MAD1L1: variants seen among roughly 807,000 people sequenced by gnomAD.
The protein encoded by MAD1L1 is mitotic arrest deficient 1 like 1.
A neutral mutation model predicts 96.9 loss-of-function variants in MAD1L1; 95 were observed. The ratio of observed to expected loss-of-function variants is 0.98; its 90% confidence interval spans 0.83 to 1.16. The LOEUF is 1.16. Among genes scored for constraint, MAD1L1 ranks in the 50% most tolerant of loss-of-function variants. The probability of loss-of-function intolerance (pLI) is 0.00; values close to 1 mark genes in which losing one functional copy is unlikely to be tolerated. For missense variants in MAD1L1, 1,007 were observed against 954.4 expected (o/e 1.06, Z -0.73); for synonymous variants, 473 against 396.6 (o/e 1.19, Z -2.29).
chr7:1,819,126 T>G (rs1482672029), intron 18 of MAD1L1, among the ~76,000 whole-genome samples: 1 of 152,162 alleles, frequency 6.6e-6, no homozygotes, highest in Non-Finnish European at 1.5e-5. Context: ...TGCTCAGCCC[T>G]CTGCCATGTT....
intron 18 of MAD1L1, among the ~76,000 whole-genome samples, chr7:1,870,593 C>A (rs909767798): frequency 9.2e-6 from 1 of 108,728 alleles, no homozygotes; most frequent in Non-Finnish European, 1.9e-5. Context: ...ACGCTGAACC[C>A]ACCGTAACAC....
chr7:1,981,829 G>C (rs1455667272), intron 14 of MAD1L1, among the ~76,000 whole-genome samples: 1 of 152,212 alleles, frequency 6.6e-6, no homozygotes, highest in African/African-American at 2.4e-5. Context: ...CAACAGGGCA[G>C]GATATGCTAA....
In MAD1L1 at chr7:2,129,202, C is replaced by A. The variant is rs899038774; in HGVS notation, c.1073+19950G>T. Among the ~76,000 whole-genome samples the A allele has an allele frequency of 3.3e-5, 5 of 152,204 alleles. No homozygotes were observed. In the South Asian group the frequency reaches 1.0e-3, roughly 32 times the overall value. On this transcript the variant is annotated intron_variant, in intron 11 of 18. Transcript: ENST00000265854. Reference sequence around the variant, plus strand: ...GGGGAGCTGGGGCCACCAGGGCTAACCCACCGCCAGGCAGCTCACATGTGC... The same window carrying A: ...GGGGAGCTGGGGCCACCAGGGCTAAACCACCGCCAGGCAGCTCACATGTGC...
intron 17 of MAD1L1, among the ~76,000 whole-genome samples, chr7:1,908,041 G>C (rs560979651): frequency 5.3e-5 from 8 of 152,242 alleles, no homozygotes; most frequent in Non-Finnish European, 8.8e-5. Context: ...GCTCTTAGCA[G>C]ACATGGGTGA....
intron 18 of MAD1L1, among the ~76,000 whole-genome samples, chr7:1,827,545 G>GAGCCCGTCCCGGGTGTGGCGT (rs1782474446): frequency 1.3e-5 from 1 of 76,520 alleles, no homozygotes; most frequent in Non-Finnish European, 2.7e-5. Context: ...GGGTGTGGGG[G>GAGCCCGTCCCGGGTGTGGCGT]CCTCCCCTCC....
At chr7:2,060,841 G>T (rs1409179337) in intron 12 of MAD1L1, among the ~76,000 whole-genome samples, 3 of 152,216 alleles carry the variant, frequency 2.0e-5, no homozygotes, top group Non-Finnish European at 4.4e-5. Flanking sequence ...CACAACTTTG[G>T]CAGGCAAAGA....
At chr7:1,887,281 G>C (rs1010812118) in intron 18 of MAD1L1, among the ~76,000 whole-genome samples, 20 of 152,104 alleles carry the variant, frequency 1.3e-4, no homozygotes, top group African/African-American at 4.3e-4. Context: ...ATGCATGTGT[G>C]TATGTGGCTG....
chr7:1,888,244 C>A (rs1320404294), intron 18 of MAD1L1, among the ~76,000 whole-genome samples: 2 of 109,126 alleles, frequency 1.8e-5, no homozygotes, highest in Non-Finnish European at 4.1e-5. Context: ...ATGTGGCTGC[C>A]TATGCATCTG....
chr7:1,907,561 C>T (rs902762274), intron 17 of MAD1L1, among the ~76,000 whole-genome samples: 5 of 152,346 alleles, frequency 3.3e-5, no homozygotes, highest in Non-Finnish European at 1.5e-5. Context: ...CTGATGACGC[C>T]GCCACGGGGC....
At position 2,146,883 on chromosome 7, in the gene MAD1L1, C is replaced by T. The variant is rs558680782; in HGVS notation, c.1073+2269G>A. On this transcript the variant is annotated intron_variant, in intron 11 of 18. Coordinates refer to ENST00000265854, the MANE Select transcript of MAD1L1 (RefSeq NM_001013836.2). This position sits in a 1 kb window ranked among gnomAD's most constrained non-coding sequence, Gnocchi z 6.2. ...CCGCGACGAACACGGTGTCCCGCCACGGAAGAGAGCAGCAGCCCAGAGGCC... is the reference window on the plus strand; with the variant it reads ...CCGCGACGAACACGGTGTCCCGCCATGGAAGAGAGCAGCAGCCCAGAGGCC... Among the ~76,000 whole-genome samples, 16 of 152,340 alleles carry T rather than the reference C, an allele frequency of 1.1e-4. No homozygotes were observed. The highest frequency in any genetic ancestry group is 1.2e-4 in the African/African-American group (5 of 41,574).
intron 18 of MAD1L1, among the ~76,000 whole-genome samples, chr7:1,885,271 G>A (rs1295438857): frequency 6.6e-6 from 1 of 152,082 alleles, no homozygotes; most frequent in Non-Finnish European, 1.5e-5. Flanking sequence ...CTCCACGAAG[G>A]GCTGCCTCTC....
In MAD1L1 at chr7:2,058,407, G is replaced by C. The variant is rs369680285; in HGVS notation, c.1218+10787C>G. On this transcript the variant is annotated intron_variant, in intron 12 of 18. Coordinates refer to ENST00000265854, the MANE Select transcript of MAD1L1 (RefSeq NM_001013836.2). The stretch of plus-strand genomic sequence containing the variant: ...GAGTGTGGCCAGAGGAGAGGAGAGG[G>C]GCGGGGCTGGAGAGGGAGTGTGGCC... 9.9e-3 allele frequency among the ~76,000 whole-genome samples: 67 copies of C among 6,758 alleles called. 2 individuals carry two copies. The highest frequency in any genetic ancestry group is 0.019 in the East Asian group (2 of 104). 4.4% of individuals were successfully genotyped at this position (6,758 alleles called of 152,430 possible).
rs1367155922 is a variant in MAD1L1 at position 1,968,102 on chromosome 7, G to A, written c.1506-10383C>T. Among the ~76,000 whole-genome samples, 1 of 152,250 alleles carries A rather than the reference G, an allele frequency of 6.6e-6. No homozygotes were observed. Among genetic ancestry groups the A allele is most frequent in the African/African-American group, 2.4e-5 (1 of 41,468 alleles). ...ATGTAGAACTCATCCCTCCAGAGGG[G>A]GAGCGTCGCCTGTGCCCTGAGGGAT... On this transcript the variant is annotated intron_variant, in intron 15 of 18. Coordinates refer to ENST00000265854, the MANE Select transcript of MAD1L1 (RefSeq NM_001013836.2). This position sits in a 1 kb window ranked among gnomAD's most constrained non-coding sequence, Gnocchi z 5.6.
At chr7:2,213,319 G>A in intron 9 of MAD1L1, 46 bp from the exon 10 acceptor site, 2 of 1,540,428 alleles carry the variant, frequency 1.3e-6, no homozygotes, top group Non-Finnish European at 1.8e-6. Flanking sequence ...CCTGCCACAG[G>A]ATCATCACAT....
chr7:2,128,430 C>T (rs1338917843), intron 11 of MAD1L1, among the ~76,000 whole-genome samples: 2 of 152,058 alleles, frequency 1.3e-5, no homozygotes, highest in Non-Finnish European at 2.9e-5. Flanking sequence ...AACACTCGCT[C>T]ATCAGCACGG....
intron 18 of MAD1L1, among the ~76,000 whole-genome samples, chr7:1,866,160 C>T (rs189375236): frequency 1.3e-5 from 2 of 152,304 alleles, no homozygotes; most frequent in South Asian, 2.1e-4. Context: ...CCAGAACGCC[C>T]GGGTGCACAC....
At chr7:1,939,220 C>T (rs1473531440) in intron 16 of MAD1L1, among the ~76,000 whole-genome samples, 1 of 135,502 alleles carries the variant, frequency 7.4e-6, no homozygotes, top group Admixed American at 7.5e-5. Context: ...ACACACGGGC[C>T]AGGGCCAGAG....
rs1787023945 is a variant in MAD1L1 at position 1,898,344 on chromosome 7, G to A, written c.1854C>T (p.Leu618=). The change falls in exon 18 of 19, where the codon CTC becomes CTT. Residue 618 remains leucine (L), a synonymous_variant. Transcript: ENST00000265854. ...VESAELKNQR[L]KEVFQTKIQE... Reference sequence around the variant, plus strand: ...GGATCTTGGTCTGGAAAACCTCCTTGAGCCGCTGGTTCTTCAGCTCGGCAC... The same window carrying A: ...GGATCTTGGTCTGGAAAACCTCCTTAAGCCGCTGGTTCTTCAGCTCGGCAC... 2 of 1,614,034 alleles carry A rather than the reference G, an allele frequency of 1.2e-6. No individual in the cohort carries two copies. Among genetic ancestry groups the A allele is most frequent in the East Asian group, 4.5e-5 (2 of 44,880 alleles).
At chr7:2,010,644 C>T (rs1331622640) in intron 13 of MAD1L1, among the ~76,000 whole-genome samples, 2 of 152,210 alleles carry the variant, frequency 1.3e-5, no homozygotes, top group African/African-American at 4.8e-5. Flanking sequence ...TTTCCTGCAA[C>T]GTCTCTGCTA....
Sources: allele counts gnomAD v4.1 joint callset (sites outside exome capture counted in the v4.1 genomes callset), GRCh38; gene constraint gnomAD v4.1.1; non-coding constraint Gnocchi (gnomAD v3.1); transcripts MANE v1.5; gene names NCBI Gene and HGNC (gene_info 2026-07-23, HGNC 2026-07-21).